C12orf42: variants seen among roughly 807,000 people sequenced by gnomAD.
C12orf42 encodes chromosome 12 open reading frame 42, also known as uncharacterized protein C12orf42.
Under a neutral mutation model 21.6 loss-of-function variants are expected in C12orf42, and 25 were observed. The observed-to-expected ratio is 1.16, with a 90% CI of 0.84 to 1.62. The LOEUF is 1.62. Among genes scored for constraint, C12orf42 ranks in the 40% most tolerant of loss-of-function variants. The pLI, the probability that C12orf42 is intolerant of heterozygous loss-of-function variation, is 0.00. For synonymous variants in C12orf42, 174 were observed against 175.0 expected (o/e 0.99, Z 0.05); for missense variants, 483 against 459.3 (o/e 1.05, Z -0.47).
intron 3 of C12orf42, among the ~76,000 whole-genome samples, chr12:103,381,973 T>C (rs1055239780): frequency 6.6e-6 from 1 of 151,872 alleles, no homozygotes; most frequent in African/African-American, 2.4e-5. Flanking sequence ...ATCTGTACAG[T>C]GAAGATAATA....
chr12:103,473,853 G>A (rs1953819061), intron 2 of C12orf42, among the ~76,000 whole-genome samples: 1 of 152,124 alleles, frequency 6.6e-6, no homozygotes, highest in Non-Finnish European at 1.5e-5. Flanking sequence ...CTCCCTGAGG[G>A]CAGAAACTAT....
At chr12:103,154,542 C>T in the C12orf42 span, among the ~76,000 whole-genome samples, 1 of 151,530 alleles carries the variant, frequency 6.6e-6, no homozygotes, top group African/African-American at 2.4e-5. Flanking sequence ...CTGAGAAATG[C>T]AAATCAAAGG....
chr12:103,282,899 A>G (rs1316281323), intron 4 of C12orf42, among the ~76,000 whole-genome samples: 1 of 152,172 alleles, frequency 6.6e-6, no homozygotes, highest in East Asian at 1.9e-4. Context: ...AAGAGACAAG[A>G]ACTACCCAAG....
At chr12:103,500,185 T>A (rs1955684746), upstream of C12orf42, among the ~76,000 whole-genome samples, 1 of 152,194 alleles carries the variant, frequency 6.6e-6, no homozygotes, top group Non-Finnish European at 1.5e-5. Context: ...GGTTCATATG[T>A]CAGAGTATAG....
chr12:103,169,803 G>T, the C12orf42 span, among the ~76,000 whole-genome samples: 479 of 152,064 alleles, frequency 3.1e-3, 1 homozygote, highest in African/African-American at 0.011. Context: ...AGCATGAATA[G>T]ATATGAGTAA....
intron 2 of C12orf42, among the ~76,000 whole-genome samples, chr12:103,452,572 T>A (rs2374074): frequency 6.6e-6 from 1 of 151,798 alleles, no homozygotes; most frequent in Non-Finnish European, 1.5e-5. Context: ...AAGACACATG[T>A]ACATGTATGT....
chr12:103,215,316 C>T, the C12orf42 span, among the ~76,000 whole-genome samples: 2 of 150,858 alleles, frequency 1.3e-5, no homozygotes, highest in African/African-American at 2.4e-5. Flanking sequence ...ATATTAATAC[C>T]AAAACTCATA....
intron 4 of C12orf42, among the ~76,000 whole-genome samples, chr12:103,344,098 A>T (rs2042405373): frequency 1.3e-5 from 2 of 152,202 alleles, no homozygotes; most frequent in Non-Finnish European, 2.9e-5. Flanking sequence ...ACCAAATTAG[A>T]AAAAGGGTGG....
the C12orf42 span, among the ~76,000 whole-genome samples, chr12:103,561,441 G>A: frequency 0.017 from 2,654 of 152,186 alleles, 95 homozygotes; most frequent in African/African-American, 0.061. Context: ...GCAGTCTTTC[G>A]GTTGCAGACA....
chr12:103,100,866 A>T, the C12orf42 span, among the ~76,000 whole-genome samples: 1 of 152,200 alleles, frequency 6.6e-6, no homozygotes, highest in East Asian at 1.9e-4. Flanking sequence ...CAAAAAAAAG[A>T]TATATAAGGC....
At chr12:103,159,261 GC>G in the C12orf42 span, among the ~76,000 whole-genome samples, 1 of 152,042 alleles carries the variant, frequency 6.6e-6, no homozygotes, top group Non-Finnish European at 1.5e-5. Flanking sequence ...TTTACCTCTT[GC>G]CCACAGTCAC....
At chr12:103,413,080 T>C (rs906896419) in intron 2 of C12orf42, among the ~76,000 whole-genome samples, 4 of 152,224 alleles carry the variant, frequency 2.6e-5, no homozygotes, top group Non-Finnish European at 5.9e-5. Context: ...TCTGGATTTT[T>C]ATGGTTTGAG....
the C12orf42 span, among the ~76,000 whole-genome samples, chr12:103,526,047 A>C: frequency 6.6e-6 from 1 of 152,106 alleles, no homozygotes; most frequent in Admixed American, 6.6e-5. Context: ...AACAAAACAA[A>C]ATCTGCCTTC....
At chr12:103,115,961 T>G in the C12orf42 span, among the ~76,000 whole-genome samples, 1 of 152,206 alleles carries the variant, frequency 6.6e-6, no homozygotes, top group Non-Finnish European at 1.5e-5. Context: ...AAACAATGGA[T>G]CGATATGTGA....
At chr12:103,331,623 C>T (rs1302582936) in intron 4 of C12orf42, among the ~76,000 whole-genome samples, 1 of 152,168 alleles carries the variant, frequency 6.6e-6, no homozygotes, top group East Asian at 1.9e-4. Flanking sequence ...CCAGTTTACT[C>T]ATGTAGAGGG....
chr12:103,409,605 T>C (rs2048681206), intron 2 of C12orf42, among the ~76,000 whole-genome samples: 1 of 152,152 alleles, frequency 6.6e-6, no homozygotes, highest in Non-Finnish European at 1.5e-5. Flanking sequence ...TAACATTCAT[T>C]GTGGTCAAAA....
chr12:103,147,623 C>CTTTTTTT, the C12orf42 span, among the ~76,000 whole-genome samples: 18 of 99,316 alleles, frequency 1.8e-4, no homozygotes, highest in African/African-American at 4.1e-4. Context: ...TTCTCTCTCT[C>CTTTTTTT]TTTTTTTTTT....
intron 3 of C12orf42, among the ~76,000 whole-genome samples, chr12:103,400,358 G>A (rs2047893226): frequency 6.6e-6 from 1 of 152,122 alleles, no homozygotes; most frequent in East Asian, 1.9e-4. Context: ...TTGGATCTGT[G>A]GTCCCCTTTC....
At chr12:103,281,128 G>T (rs1456884575) in intron 4 of C12orf42, among the ~76,000 whole-genome samples, 1 of 152,166 alleles carries the variant, frequency 6.6e-6, no homozygotes, top group Non-Finnish European at 1.5e-5. Context: ...CTAAGATGAT[G>T]TCTATTTGAA....
Sources: allele counts gnomAD v4.1 joint callset (sites outside exome capture counted in the v4.1 genomes callset), GRCh38; gene constraint gnomAD v4.1.1; transcripts MANE v1.5; gene names NCBI Gene and HGNC (gene_info 2026-07-23, HGNC 2026-07-21).